Variants in ETV6 observed in about 807,000 individuals in gnomAD.
ETV6 encodes the protein transcription factor ETV6.
ETV6 carries 16 observed loss-of-function variants against 51.1 expected under a neutral mutation model. That is an observed-to-expected ratio of 0.31 (90% confidence interval 0.21 to 0.48). ETV6 has a LOEUF of 0.48. Ranked by LOEUF, ETV6 falls within the 20% of genes least tolerant of loss-of-function variation. The pLI is 0.99. For missense variants in ETV6, 458 were observed against 594.8 expected, an observed-to-expected ratio of 0.77 and a Z score of 2.39; for synonymous variants, 240 against 224.1, an observed-to-expected ratio of 1.07 and a Z score of -0.64.
chr12:11,883,584 C>G (rs1210240938), intron 5 of ETV6, among the ~76,000 whole-genome samples: 1 of 152,058 alleles, frequency 6.6e-6, no homozygotes, highest in Non-Finnish European at 1.5e-5. Flanking sequence ...CGTGAGCCAC[C>G]ACGCCCGGCC....
At chr12:11,752,049 A>G (rs2724600) in intron 1 of ETV6, among the ~76,000 whole-genome samples, 67,269 of 152,158 alleles carry the variant, frequency 0.44, 18,141 homozygotes, top group Middle Eastern at 0.6. Context: ...AGAAGAGAAA[A>G]CATGGCTTTA....
intron 1 of ETV6, among the ~76,000 whole-genome samples, chr12:11,746,652 T>A (rs1030884870): frequency 2.0e-5 from 3 of 152,212 alleles, no homozygotes. Flanking sequence ...TAATTTGTAA[T>A]GCCTGCTATA....
rs1388334339 is a variant in ETV6, at chr12:11,693,284, A to G, written c.33+43124A>G. Among the ~76,000 whole-genome samples the G allele has an allele frequency of 1.4e-4, 21 of 152,178 alleles. 1 individual carries two copies. The highest frequency in any genetic ancestry group is 7.3e-5 in the Non-Finnish European group (5 of 68,030). On this transcript the variant is annotated intron_variant, in intron 1 of 7. Transcript: ENST00000396373. Reference sequence around the variant, plus strand: ...GCAAGTGGTTGGCTTTGACTGTAACATGCAGCGTATGCAGTTCCTGGAGGC... The same window carrying G: ...GCAAGTGGTTGGCTTTGACTGTAACGTGCAGCGTATGCAGTTCCTGGAGGC...
chr12:11,746,291 A>G lies in ETV6; in HGVS notation c.34-6159A>G, dbSNP rs1029052526. On this transcript the variant is annotated intron_variant, in intron 1 of 7. Coordinates refer to ENST00000396373, the MANE Select transcript of ETV6 (RefSeq NM_001987.5). ...AAGCAGTTCAGAGAAGTAAAGTTAG[A>G]TCAGTCTGCACGCAAATACCAGCCA... 1.1e-4 allele frequency among the ~76,000 whole-genome samples: 16 copies of G among 152,352 alleles called. No homozygotes were observed. The South Asian group carries it at 2.7e-3, about 26-fold the overall frequency.
intron 1 of ETV6, among the ~76,000 whole-genome samples, chr12:11,719,905 C>T (rs1444234227): frequency 6.6e-6 from 1 of 152,216 alleles, no homozygotes; most frequent in Non-Finnish European, 1.5e-5. Context: ...AGGGCACAGG[C>T]TTCTGCTGTC....
chr12:11,828,868 A>G (rs564771525), intron 2 of ETV6, among the ~76,000 whole-genome samples: 22 of 152,200 alleles, frequency 1.4e-4, no homozygotes, highest in African/African-American at 5.3e-4. Flanking sequence ...ATTAATTTTG[A>G]TTTTTAAAAT....
At chr12:11,671,886 A>G (rs959967534) in intron 1 of ETV6, among the ~76,000 whole-genome samples, 1 of 151,982 alleles carries the variant, frequency 6.6e-6, no homozygotes, top group African/African-American at 2.4e-5. Flanking sequence ...AAACTCAACC[A>G]GGTGAACTGA....
chr12:11,760,871 T>C (rs1361276835), intron 2 of ETV6, among the ~76,000 whole-genome samples: 2 of 98,588 alleles, frequency 2.0e-5, no homozygotes, highest in African/African-American at 6.2e-5. Flanking sequence ...CTACTATTAT[T>C]ATATATATGT....
At chr12:11,752,689 A>G in intron 2 of ETV6, 110 bp downstream of exon 2, 1 of 1,355,432 alleles carries the variant, frequency 7.4e-7, no homozygotes. Context: ...TTTTCACAGG[A>G]CTTCGCCACG....
chr12:11,887,400 C>G (rs1276274153), intron 7 of ETV6, among the ~76,000 whole-genome samples: 13 of 152,154 alleles, frequency 8.5e-5, no homozygotes, highest in Admixed American at 8.5e-4. Flanking sequence ...TTAAATATCA[C>G]ATTTAAGTAT....
At chr12:11,688,288 C>T (rs1289464515) in intron 1 of ETV6, among the ~76,000 whole-genome samples, 1 of 152,126 alleles carries the variant, frequency 6.6e-6, no homozygotes, top group Non-Finnish European at 1.5e-5. Context: ...GCCTTTAGCC[C>T]CCGTTAAAGG....
At chr12:11,775,045 G>T (rs1369436302) in intron 2 of ETV6, among the ~76,000 whole-genome samples, 1 of 152,228 alleles carries the variant, frequency 6.6e-6, no homozygotes, top group Non-Finnish European at 1.5e-5. Flanking sequence ...CGCCCTCTGT[G>T]TGCTGTATTT....
At chr12:11,737,916 AGT>A (rs1353883114) in intron 1 of ETV6, among the ~76,000 whole-genome samples, 1 of 152,152 alleles carries the variant, frequency 6.6e-6, no homozygotes, top group Non-Finnish European at 1.5e-5. Context: ...GAAGTAAATG[AGT>A]GTGTTTGTTC....
At chr12:11,808,997 C>G (rs961401072) in intron 2 of ETV6, among the ~76,000 whole-genome samples, 2 of 151,960 alleles carry the variant, frequency 1.3e-5, no homozygotes, top group African/African-American at 4.8e-5. Flanking sequence ...AACCCTATCT[C>G]TACAAAAAAA....
At chr12:11,731,907 C>G (rs1044616804) in intron 1 of ETV6, among the ~76,000 whole-genome samples, 1 of 152,054 alleles carries the variant, frequency 6.6e-6, no homozygotes, top group African/African-American at 2.4e-5. Flanking sequence ...GTAGGGTAAC[C>G]GGCTTGTCCC....
At chr12:11,809,812 CTTTTTT>C (rs927002978) in intron 2 of ETV6, among the ~76,000 whole-genome samples, 4 of 81,764 alleles carry the variant, frequency 4.9e-5, no homozygotes, top group Non-Finnish European at 9.0e-5. Context: ...AGAGCTTCTG[CTTTTTT>C]TTTTTTTTTT....
intron 2 of ETV6, among the ~76,000 whole-genome samples, chr12:11,781,245 C>T (rs889692224): frequency 2.0e-5 from 3 of 152,188 alleles, no homozygotes; most frequent in South Asian, 2.1e-4. Flanking sequence ...TTGTCATCCA[C>T]GTCACGACTG....
At chr12:11,745,210 A>C (rs1234273363) in intron 1 of ETV6, among the ~76,000 whole-genome samples, 1 of 152,196 alleles carries the variant, frequency 6.6e-6, no homozygotes, top group African/African-American at 2.4e-5. Context: ...ACCAGGGGAG[A>C]TAAGATTGTA....
intron 1 of ETV6, among the ~76,000 whole-genome samples, chr12:11,677,853 C>T (rs2724627): frequency 0.063 from 9,658 of 152,270 alleles, 457 homozygotes; most frequent in African/African-American, 0.13. Context: ...ATTCACTTGA[C>T]ATACACCTGC....
Sources: gnomAD v4.1 joint callset for allele counts (sites outside exome capture counted in the v4.1 genomes callset) on GRCh38, gnomAD v4.1.1 for gene constraint, MANE v1.5 for transcripts, NCBI Gene and HGNC (gene_info 2026-07-23, HGNC 2026-07-21) for gene names.